The following COL13A1 variants were observed in gnomAD, a reference collection of about 807,000 sequenced individuals.
COL13A1 encodes the protein collagen alpha-1(XIII) chain.
Under a neutral mutation model 130.9 loss-of-function variants are expected in COL13A1, and 89 were observed. That is an observed-to-expected ratio of 0.68 (90% CI 0.57 to 0.81). COL13A1 has a LOEUF of 0.81. Ranked by LOEUF, COL13A1 falls within the 30% of genes least tolerant of loss-of-function variation. The probability of loss-of-function intolerance (pLI) is 0.00; values close to 1 mark genes in which losing one functional copy is unlikely to be tolerated. For missense variants in COL13A1, 879 were observed against 934.6 expected, an observed-to-expected ratio of 0.94 and a Z score of 0.78; for synonymous variants, 402 against 341.6, an observed-to-expected ratio of 1.18 and a Z score of -1.95.
At chr10:69,803,990 C>A (rs1250938233) in intron 1 of COL13A1, among the ~76,000 whole-genome samples, 1 of 152,062 alleles carries the variant, frequency 6.6e-6, no homozygotes, top group Non-Finnish European at 1.5e-5. Context: ...GATTGCAGGG[C>A]CAGAGCAGAG....
intron 6 of COL13A1, among the ~76,000 whole-genome samples, chr10:69,880,000 C>A (rs1289443653): frequency 6.6e-6 from 1 of 152,172 alleles, no homozygotes; most frequent in Non-Finnish European, 1.5e-5. Context: ...CACTGTTCAG[C>A]AGTTGCAGGG....
At chr10:69,868,306 G>T (rs1476792797) in intron 3 of COL13A1, among the ~76,000 whole-genome samples, 1 of 151,040 alleles carries the variant, frequency 6.6e-6, no homozygotes, top group Non-Finnish European at 1.5e-5. Flanking sequence ...GCAGGTGGTG[G>T]TGGTGGCGGC....
intron 7 of COL13A1, among the ~76,000 whole-genome samples, chr10:69,882,290 C>T (rs2060217121): frequency 6.6e-6 from 1 of 152,086 alleles, no homozygotes; most frequent in African/African-American, 2.4e-5. Context: ...GGTCCTCTCA[C>T]ACCCTTTCAG....
intron 19 of COL13A1, 55 bp from the exon 20 acceptor site, chr10:69,919,007 C>A: frequency 6.2e-7 from 1 of 1,611,648 alleles, no homozygotes; most frequent in South Asian, 1.1e-5. Context: ...AGGTGCCTTG[C>A]TCATTTGTTT....
chr10:69,900,679 TATATGAA>T (rs1459313549), intron 14 of COL13A1, among the ~76,000 whole-genome samples: 2 of 152,250 alleles, frequency 1.3e-5, no homozygotes, highest in East Asian at 3.8e-4. Flanking sequence ...AAGGAAGCTT[TATATGAA>T]ATATGATGTG....
chr10:69,839,712 T>C lies in COL13A1; in HGVS notation c.364+17274T>C, dbSNP rs142690257. Among the ~76,000 whole-genome samples the C allele has an allele frequency of 2.6e-4, 40 of 152,196 alleles. 1 individual carries two copies. In the East Asian group the frequency reaches 7.5e-3, roughly 29 times the overall value. ...GTTAGCAGCAAAAGCCGGTGCAAAA[T>C]CCCTGAGGTCGGAATGAGCTTGGTG... On this transcript the variant is annotated intron_variant, in intron 2 of 40. Coordinates refer to ENST00000645393, the MANE Select transcript of COL13A1 (RefSeq NM_001368882.1).
chr10:69,891,430 C>T (rs2061156242), intron 10 of COL13A1, among the ~76,000 whole-genome samples: 1 of 152,300 alleles, frequency 6.6e-6, no homozygotes, highest in African/African-American at 2.4e-5. Context: ...AAATCCTTGA[C>T]ATGTCTGCAG....
chr10:69,956,069 T>G (rs1206644021), intron 39 of COL13A1: 2 of 152,228 alleles, frequency 1.3e-5, no homozygotes, highest in African/African-American at 4.8e-5. Flanking sequence ...GAGCACTTGC[T>G]CCGGGTCTCC....
At chr10:69,812,658 C>T (rs1192447045) in intron 1 of COL13A1, among the ~76,000 whole-genome samples, 2 of 152,188 alleles carry the variant, frequency 1.3e-5, no homozygotes, top group African/African-American at 4.8e-5. Flanking sequence ...TTTCCTCGCT[C>T]ATGTAATGGG....
At chr10:69,943,529 C>T (rs559484894) in intron 35 of COL13A1, among the ~76,000 whole-genome samples, 1 of 152,174 alleles carries the variant, frequency 6.6e-6, no homozygotes, top group Admixed American at 6.5e-5. Flanking sequence ...CCTGCCAGGC[C>T]GGTGTCGGTG....
chr10:69,851,638 G>A (rs1423328250), intron 2 of COL13A1, among the ~76,000 whole-genome samples: 1 of 150,614 alleles, frequency 6.6e-6, no homozygotes, highest in Non-Finnish European at 1.5e-5. Context: ...ATTTTATTGT[G>A]GTTTTTTGTT....
At chr10:69,804,468 A>G (rs1840911678) in intron 1 of COL13A1, among the ~76,000 whole-genome samples, 1 of 151,836 alleles carries the variant, frequency 6.6e-6, no homozygotes, top group Admixed American at 6.6e-5. Context: ...GCAGCTCCAT[A>G]TTTACCCTAC....
chr10:69,823,520 G>A, intron 2 of COL13A1, among the ~76,000 whole-genome samples: 1 of 152,202 alleles, frequency 6.6e-6, no homozygotes, highest in South Asian at 2.1e-4. Context: ...GGTGCTCACT[G>A]GGCTCTCTGG....
chr10:69,822,505 G>A (rs1365983290), intron 2 of COL13A1, 67 bp downstream of exon 2: 2 of 1,259,724 alleles, frequency 1.6e-6, no homozygotes, highest in Non-Finnish European at 2.1e-6. Flanking sequence ...TCTTCCTGGT[G>A]GCCATGCTCT....
chr10:69,896,702 G>A (rs957505792), intron 13 of COL13A1, among the ~76,000 whole-genome samples: 1 of 152,194 alleles, frequency 6.6e-6, no homozygotes, highest in African/African-American at 2.4e-5. Context: ...CTGGGCCAGG[G>A]AACCACTGTG....
intron 17 of COL13A1, among the ~76,000 whole-genome samples, chr10:69,908,373 C>G (rs1307764326): frequency 6.6e-6 from 1 of 152,166 alleles, no homozygotes. Flanking sequence ...CCCGCAGTTG[C>G]CTCTATCCAC....
chr10:69,875,201 G>T (rs535056180), intron 5 of COL13A1, 38 bp downstream of exon 5: 12 of 1,613,462 alleles, frequency 7.4e-6, no homozygotes, highest in Non-Finnish European at 1.0e-5. Flanking sequence ...GGTGGCCATT[G>T]CTTGCTTCTC....
chr10:69,804,968 T>C (rs1841134314), intron 1 of COL13A1, among the ~76,000 whole-genome samples: 1 of 151,698 alleles, frequency 6.6e-6, no homozygotes, highest in Non-Finnish European at 1.5e-5. Flanking sequence ...GAAGGATGAA[T>C]AGGAGTTTGC....
chr10:69,837,019 C>G (rs939452577), intron 2 of COL13A1, among the ~76,000 whole-genome samples: 6 of 152,062 alleles, frequency 3.9e-5, no homozygotes, highest in African/African-American at 1.4e-4. Flanking sequence ...GCAGCTGTGC[C>G]GTGTGTTCCC....
Sources: allele counts gnomAD v4.1 joint callset (sites outside exome capture counted in the v4.1 genomes callset), GRCh38; gene constraint gnomAD v4.1.1; transcripts MANE v1.5; gene names NCBI Gene and HGNC (gene_info 2026-07-23, HGNC 2026-07-21).